SLC16A1: variants seen among roughly 807,000 people sequenced by gnomAD.
SLC16A1 encodes the protein monocarboxylate transporter 1.
In SLC16A1, 11 loss-of-function variants were observed where a neutral mutation model predicts 32.2. The ratio of observed to expected loss-of-function variants is 0.34; its 90% CI spans 0.21 to 0.56. SLC16A1 has a LOEUF of 0.56. Ranked by LOEUF, SLC16A1 falls within the 20% of genes least tolerant of loss-of-function variation. The pLI is 0.87. For missense variants in SLC16A1, 435 were observed against 615.0 expected, an observed-to-expected ratio of 0.71 and a Z score of 3.10; for synonymous variants, 231 against 226.8, an observed-to-expected ratio of 1.02 and a Z score of -0.17.
chr1:112,944,168 T>C (rs1028080409), intron 1 of SLC16A1, among the ~76,000 whole-genome samples: 2 of 152,026 alleles, frequency 1.3e-5, no homozygotes, highest in Non-Finnish European at 1.5e-5. Context: ...AAAGAAAATA[T>C]GGCCAGGTAT....
chr1:112,917,080 T>C lies in SLC16A1; in HGVS notation c.1228+98A>G. On this transcript the variant is annotated intron_variant, in intron 4 of 4. Transcript: ENST00000369626. The surrounding 1 kb of genome is among the most constrained non-coding windows in gnomAD (Gnocchi z 4.1). ...GTACATAAATGAGAAAGATTTATTC[T>C]TACCCAAATAGCTCACTAATGTTTG... The C allele has an allele frequency of 6.8e-7, 1 of 1,469,556 alleles. No homozygotes were observed. The highest frequency in any genetic ancestry group is 9.4e-7 in the Non-Finnish European group (1 of 1,060,642). The allele number at this position is 1,469,556 out of a possible 1,614,324, so 91.0% of individuals were successfully genotyped here. A position where few individuals can be genotyped will look rare whatever the true frequency, so the allele number is the denominator to read the frequency against.
chr1:112,931,121 T>C (rs1649113915), intron 1 of SLC16A1, among the ~76,000 whole-genome samples: 1 of 152,174 alleles, frequency 6.6e-6, no homozygotes, highest in East Asian at 1.9e-4. Context: ...TGACTTAACA[T>C]ACTAGGAAGT....
chr1:112,913,805 G>T lies in SLC16A1; in HGVS notation c.*86C>A. 6.8e-7 allele frequency: 1 copy of T among 1,477,478 alleles called. No individual in the cohort carries two copies. Among genetic ancestry groups the T allele is most frequent in the Non-Finnish European group, 9.4e-7 (1 of 1,058,494 alleles). 91.5% of individuals were successfully genotyped at this position (1,477,478 alleles called of 1,614,324 possible). A position where few individuals can be genotyped will look rare whatever the true frequency, so the allele number is the denominator to read the frequency against. ...CACAAATGTCTACTATTTGCATTGA[G>T]CACCACTGGTAGATTACAGGCCAGT... On this transcript the variant is annotated 3_prime_UTR_variant, in exon 5 of 5. Coordinates refer to ENST00000369626, the MANE Select transcript of SLC16A1 (RefSeq NM_003051.4).
intron 1 of SLC16A1, 95 bp from the exon 2 acceptor site, chr1:112,929,447 T>C: frequency 1.4e-6 from 1 of 730,986 alleles, no homozygotes; most frequent in Non-Finnish European, 2.3e-6. Context: ...TGGTGGATCA[T>C]GCCTATTAGT....
intron 3 of SLC16A1, among the ~76,000 whole-genome samples, chr1:112,918,278 T>C (rs569374211): frequency 1.3e-5 from 2 of 152,286 alleles, no homozygotes; most frequent in East Asian, 1.9e-4. Context: ...CTTCCTAATA[T>C]GTAAAACGGG....
At chr1:112,943,526 G>A (rs1210730104) in intron 1 of SLC16A1, among the ~76,000 whole-genome samples, 1 of 152,066 alleles carries the variant, frequency 6.6e-6, no homozygotes, top group East Asian at 1.9e-4. Context: ...AGTGGCTCAC[G>A]CCTGTAATCC....
intron 3 of SLC16A1, among the ~76,000 whole-genome samples, chr1:112,919,865 G>A (rs2101623985): frequency 6.6e-6 from 1 of 152,158 alleles, no homozygotes; most frequent in East Asian, 1.9e-4. Context: ...TGCTTGCCCA[G>A]TTCTTCCCTG....
chr1:112,937,876 A>T (rs1002484565), intron 1 of SLC16A1, among the ~76,000 whole-genome samples: 9 of 152,214 alleles, frequency 5.9e-5, no homozygotes, highest in Non-Finnish European at 4.4e-5. Context: ...CTAAAGGATG[A>T]TAGAAAACAA....
rs1405643704 is a variant in SLC16A1 at position 112,917,545 on chromosome 1, A to G, written c.861T>C (p.Tyr287=). The G allele has an allele frequency of 5.6e-6, 9 of 1,614,252 alleles. No individual in the cohort carries two copies. In the East Asian group the frequency reaches 1.3e-4, roughly 24 times the overall value. Residue 287 remains tyrosine, a synonymous_variant, in exon 4 of 5, where the codon TAT becomes TAC. Transcript: ENST00000369626. This position sits in a 1 kb window ranked among gnomAD's most constrained non-coding sequence, Gnocchi z 4.1. ...CACTAGAATAATGCTGACTCTTCCC[A>G]TAACTACTAAGAAACACCAAAGGTG... ...LFAPLVFLSS[Y]GKSQHYSSEK...
chr1:112,923,663 C>T, intron 2 of SLC16A1: 6 of 1,504,752 alleles, frequency 4.0e-6, no homozygotes, highest in Non-Finnish European at 4.6e-6. Flanking sequence ...TGCAGTGTCC[C>T]CGAGTGGACC....
chr1:112,942,016 G>A (rs1476968213), intron 1 of SLC16A1, among the ~76,000 whole-genome samples: 3 of 152,024 alleles, frequency 2.0e-5, no homozygotes, highest in Non-Finnish European at 2.9e-5. Flanking sequence ...TGGTTGCCCA[G>A]GCTAGAGTAC....
chr1:112,923,460 T>C (rs1648813684), intron 2 of SLC16A1: 5 of 736,650 alleles, frequency 6.8e-6, no homozygotes, highest in South Asian at 4.4e-5. Context: ...GCCATGGAGA[T>C]GGGGCGCCGT....
chr1:112,952,380 AGATGAGG>A (rs905077650), intron 1 of SLC16A1, among the ~76,000 whole-genome samples: 3 of 152,248 alleles, frequency 2.0e-5, no homozygotes, highest in African/African-American at 7.2e-5. Flanking sequence ...AAAATAATTA[AGATGAGG>A]GAACCTATAG....
intron 3 of SLC16A1, among the ~76,000 whole-genome samples, chr1:112,920,602 T>A (rs1648688909): frequency 6.6e-6 from 1 of 150,412 alleles, no homozygotes; most frequent in South Asian, 2.1e-4. Context: ...TGAAACTGTG[T>A]CTCAAAAAAA....
intron 1 of SLC16A1, among the ~76,000 whole-genome samples, chr1:112,941,227 A>G (rs1255215856): frequency 1.3e-5 from 2 of 152,160 alleles, no homozygotes; most frequent in African/African-American, 4.8e-5. Context: ...TGTAGTATAA[A>G]AAAAGAGTTC....
intron 1 of SLC16A1, among the ~76,000 whole-genome samples, chr1:112,939,997 G>A (rs994392862): frequency 6.7e-6 from 1 of 148,818 alleles, no homozygotes; most frequent in African/African-American, 2.5e-5. Flanking sequence ...TCAGATAATT[G>A]AGGATATTCC....
In SLC16A1 at chr1:112,939,170, C is replaced by T. The variant is rs185541530; in HGVS notation, c.-44-9818G>A. Among the ~76,000 whole-genome samples the T allele has an allele frequency of 5.5e-3, 836 of 152,158 alleles. 24 individuals are homozygous for T. Among genetic ancestry groups the T allele is most frequent in the Admixed American group, 0.048 (730 of 15,274 alleles). ...CCTCCCAAAGTGCTGGGATTACAGG[C>T]GTGAGCCACCGTGCCCGGCCAACGT... is the stretch of plus-strand genomic sequence containing the variant. On this transcript the variant is annotated intron_variant, in intron 1 of 4. Transcript: ENST00000369626.
chr1:112,952,543 G>A (rs1424515446), intron 1 of SLC16A1, among the ~76,000 whole-genome samples: 4 of 152,126 alleles, frequency 2.6e-5, no homozygotes, highest in African/African-American at 7.2e-5. Context: ...TAAAGGTAGG[G>A]TAATGGCATT....
chr1:112,954,471 G>A (rs1343001673), intron 1 of SLC16A1, among the ~76,000 whole-genome samples: 1 of 152,148 alleles, frequency 6.6e-6, no homozygotes, highest in East Asian at 1.9e-4. Flanking sequence ...TGGTCATTAG[G>A]ATCCTTTCCA....
Sources: gnomAD v4.1 joint callset for allele counts (sites outside exome capture counted in the v4.1 genomes callset) on GRCh38, gnomAD v4.1.1 for gene constraint, Gnocchi (gnomAD v3.1) non-coding constraint, MANE v1.5 for transcripts, NCBI Gene and HGNC (gene_info 2026-07-23, HGNC 2026-07-21) for gene names.